The following LCORL variants were observed in gnomAD, a reference collection of about 807,000 sequenced individuals.
LCORL encodes the protein ligand-dependent nuclear receptor corepressor-like protein.
In LCORL, 41 loss-of-function variants were observed where a neutral mutation model predicts 141.8. The observed-to-expected ratio is 0.29, with a 90% CI of 0.23 to 0.38. LCORL has a LOEUF of 0.38. LCORL is among the 10% of genes least tolerant of loss of function. The pLI is 1.00. For missense variants in LCORL, 1,759 were observed against 2,035.0 expected (o/e 0.86, Z 2.61); for synonymous variants, 618 against 694.1 (o/e 0.89, Z 1.72).
At chr4:17,961,403 C>T (rs1713757964) in intron 4 of LCORL, among the ~76,000 whole-genome samples, 1 of 151,806 alleles carries the variant, frequency 6.6e-6, no homozygotes, top group African/African-American at 2.4e-5. Flanking sequence ...TAAAAAAGAA[C>T]ATTGATTTTT....
In LCORL at chr4:17,925,466, G is replaced by T. The variant is rs376739511; in HGVS notation, c.431-16121C>A. On this transcript the variant is annotated intron_variant, in intron 4 of 7. Coordinates refer to ENST00000635767, the Ensembl canonical transcript of LCORL. ...AGCCCACTGAGGTGCCTGCTGAAGG[G>T]AAAGGGGATACAGAAGGGGTAGTAG... is the stretch of plus-strand genomic sequence containing the variant. 1.4e-4 allele frequency among the ~76,000 whole-genome samples: 21 copies of T among 152,286 alleles called. No individual in the cohort carries two copies. In the East Asian group the frequency reaches 3.9e-3, roughly 28 times the overall value.
intron 1 of LCORL, among the ~76,000 whole-genome samples, chr4:18,016,961 A>AT (rs1724736038): frequency 1.3e-5 from 2 of 152,254 alleles, no homozygotes; most frequent in African/African-American, 4.8e-5. Context: ...ATATTTTGGT[A>AT]TCTAAGTCTA....
Position 17,890,633 on chromosome 4 carries a change from C to G in LCORL, c.683-4472G>C, listed in dbSNP as rs548277016. On this transcript the variant is annotated intron_variant, in intron 5 of 7. Transcript: ENST00000635767. ...CTGGTTGGAGACGGGTCATTTAACA[C>G]TATAATTTAATTATTTCTGACCAAA... Among the ~76,000 whole-genome samples, 8 of 152,102 alleles carry G rather than the reference C, an allele frequency of 5.3e-5. No homozygotes were observed. The South Asian group carries it at 1.7e-3, about 32-fold the overall frequency.
Position 17,912,059 on chromosome 4 carries a change from C to A in LCORL, c.431-2714G>T, listed in dbSNP as rs1033352076. On this transcript the variant is annotated intron_variant, in intron 4 of 7. Coordinates refer to ENST00000635767, the Ensembl canonical transcript of LCORL. ...TGGGGGCACCTGGAGAAGAAGGGACCCCAGGTCAGAGACTGGAGCCATTAC... is the reference window on the plus strand; with the variant it reads ...TGGGGGCACCTGGAGAAGAAGGGACACCAGGTCAGAGACTGGAGCCATTAC... The A allele has an allele frequency of 2.2e-5, 15 of 694,636 alleles. No homozygotes were observed. The East Asian group carries it at 3.4e-4, about 16-fold the overall frequency. 43.0% of individuals were successfully genotyped at this position (694,636 alleles called of 1,614,324 possible). A position where few individuals can be genotyped will look rare whatever the true frequency, so the allele number is the denominator to read the frequency against.
chr4:17,870,292 TG>T (rs1726189419), intron 7 of LCORL, among the ~76,000 whole-genome samples: 1 of 152,186 alleles, frequency 6.6e-6, no homozygotes, highest in Non-Finnish European at 1.5e-5. Context: ...TTTGCAGAGA[TG>T]GGGTCCCGCT....
At chr4:17,843,195 C>CAATTA in exon 8 of LCORL, 1 of 1,209,828 alleles carries the variant, frequency 8.3e-7, no homozygotes, top group Non-Finnish European at 1.2e-6. Context: ...ATCAGGCTAT[C>CAATTA]AATTAAACAC....
chr4:17,958,177 A>G (rs1413927691), intron 4 of LCORL, among the ~76,000 whole-genome samples: 1 of 151,858 alleles, frequency 6.6e-6, no homozygotes, highest in Admixed American at 6.6e-5. Context: ...AAGGGAAAAG[A>G]GTTTGTTAAT....
intron 1 of LCORL, among the ~76,000 whole-genome samples, chr4:18,009,901 G>A (rs1723424589): frequency 6.6e-6 from 1 of 152,132 alleles, no homozygotes; most frequent in Non-Finnish European, 1.5e-5. Context: ...ACATGACGAT[G>A]TGGCTCTGCC....
chr4:17,921,356 A>G (rs1734278905), intron 4 of LCORL, among the ~76,000 whole-genome samples: 2 of 152,142 alleles, frequency 1.3e-5, no homozygotes, highest in African/African-American at 2.4e-5. Flanking sequence ...AATGGCATTT[A>G]GTGAATCCTT....
At chr4:17,954,057 G>T (rs930898937) in intron 4 of LCORL, among the ~76,000 whole-genome samples, 1 of 152,178 alleles carries the variant, frequency 6.6e-6, no homozygotes, top group Non-Finnish European at 1.5e-5. Context: ...CAGCTACAGG[G>T]GAGGCTGAGG....
chr4:17,915,666 T>C (rs1347123053), intron 4 of LCORL, among the ~76,000 whole-genome samples: 4 of 152,200 alleles, frequency 2.6e-5, no homozygotes, highest in African/African-American at 9.6e-5. Flanking sequence ...TTACTGGAAT[T>C]ATGTAATGGG....
At chr4:17,845,758 G>C in exon 8 of LCORL, 1 of 1,613,394 alleles carries the variant, frequency 6.2e-7, no homozygotes, top group Non-Finnish European at 8.5e-7. Context: ...GTTATGAACT[G>C]TACAGCTCGT....
At chr4:18,007,668 G>A (rs1249281068) in intron 1 of LCORL, among the ~76,000 whole-genome samples, 1 of 152,100 alleles carries the variant, frequency 6.6e-6, no homozygotes, top group African/African-American at 2.4e-5. Context: ...GATTTTAGCA[G>A]ATGGCCATGC....
At chr4:18,009,958 A>G (rs1723433138) in intron 1 of LCORL, among the ~76,000 whole-genome samples, 1 of 151,978 alleles carries the variant, frequency 6.6e-6, no homozygotes. Context: ...GTTTTCTCCC[A>G]CTTGATGTTT....
At chr4:17,887,194 T>C (rs1329613682) in intron 5 of LCORL, among the ~76,000 whole-genome samples, 1 of 151,956 alleles carries the variant, frequency 6.6e-6, no homozygotes, top group Non-Finnish European at 1.5e-5. Flanking sequence ...GCTCACTATA[T>C]GCAAAGCACT....
At chr4:17,971,318 T>C (rs1715883997) in intron 2 of LCORL, among the ~76,000 whole-genome samples, 1 of 152,020 alleles carries the variant, frequency 6.6e-6, no homozygotes, top group Non-Finnish European at 1.5e-5. Context: ...ACAGTATATA[T>C]ACACTGCACT....
At chr4:17,948,895 G>C (rs991488833) in intron 4 of LCORL, among the ~76,000 whole-genome samples, 6 of 152,040 alleles carry the variant, frequency 3.9e-5, no homozygotes, top group Non-Finnish European at 8.8e-5. Context: ...AAAGGAAAGA[G>C]AGTTTCCAAG....
At chr4:17,855,761 T>A (rs181319309) in intron 7 of LCORL, among the ~76,000 whole-genome samples, 20 of 152,176 alleles carry the variant, frequency 1.3e-4, no homozygotes, top group Non-Finnish European at 2.8e-4. Flanking sequence ...CACCAGGACA[T>A]ATGAGGGAGC....
In LCORL at chr4:17,874,833, T is replaced by A. The variant is rs372507828; in HGVS notation, c.4157A>T (p.Asp1386Val). The change falls in exon 7 of 8, where the codon GAT becomes GTT. Residue 1386 changes from aspartate to valine, a missense_variant. Asp to Val is a radical substitution (Grantham distance 152). Transcript: ENST00000635767. ...CCGCGAAAGTCTGTTTCTTGGGGTA[T>A]CTTTGTAAGCTATTTTCATCTTTGA... 5.7e-5 allele frequency: 70 copies of A among 1,233,726 alleles called. 2 individuals are homozygous for A. The East Asian group carries it at 6.0e-4, about 11-fold the overall frequency. 76.4% of individuals were successfully genotyped at this position (1,233,726 alleles called of 1,614,324 possible).
Sources: gnomAD v4.1 joint callset for allele counts (sites outside exome capture counted in the v4.1 genomes callset) on GRCh38, gnomAD v4.1.1 for gene constraint, MANE v1.5 for transcripts, NCBI Gene and HGNC (gene_info 2026-07-23, HGNC 2026-07-21) for gene names.